NAALADL2: variants seen among roughly 807,000 people sequenced by gnomAD.
The protein encoded by NAALADL2 is inactive N-acetylated-alpha-linked acidic dipeptidase-like protein 2.
In NAALADL2, 76 loss-of-function variants were observed where a neutral mutation model predicts 87.2. That is an observed-to-expected ratio of 0.87 (90% CI 0.72 to 1.05). The LOEUF is 1.05. NAALADL2 is among the 50% of genes least tolerant of loss of function. The pLI, the probability that NAALADL2 is intolerant of heterozygous loss-of-function variation, is 0.00. For synonymous variants in NAALADL2, 354 were observed against 331.0 expected, an observed-to-expected ratio of 1.07 and a Z score of -0.75; for missense variants, 1,089 against 945.8, an observed-to-expected ratio of 1.15 and a Z score of -1.99.
intron 10 of NAALADL2, among the ~76,000 whole-genome samples, chr3:175,585,748 T>C (rs533601293): frequency 2.0e-5 from 3 of 152,204 alleles, no homozygotes; most frequent in East Asian, 1.9e-4. Flanking sequence ...AAAATAAAGA[T>C]ATGATGACGA....
chr3:175,393,871 C>A (rs908942338), intron 5 of NAALADL2, among the ~76,000 whole-genome samples: 5 of 152,144 alleles, frequency 3.3e-5, no homozygotes, highest in African/African-American at 1.2e-4. Context: ...TGTCTTCAAC[C>A]CAACCAGTCC....
intron 10 of NAALADL2, among the ~76,000 whole-genome samples, chr3:175,579,220 TATC>T (rs1379601024): frequency 2.2e-5 from 3 of 135,518 alleles, no homozygotes; most frequent in African/African-American, 7.7e-5. Flanking sequence ...TCTATCTATC[TATC>T]ATCTATCATC....
rs146442324 is a variant in NAALADL2 at position 175,118,749 on chromosome 3, G to A, written c.545+21458G>A. On this transcript the variant is annotated intron_variant, in intron 2 of 13. Transcript: ENST00000454872. ...ATTATAGTTCTGCACAATCTCTGCTGTAACAATATCATGATGAATGGAGAA... is the reference window on the plus strand; with the variant it reads ...ATTATAGTTCTGCACAATCTCTGCTATAACAATATCATGATGAATGGAGAA... Among the ~76,000 whole-genome samples, 181 of 151,854 alleles carry A rather than the reference G, an allele frequency of 1.2e-3. 1 individual carries two copies. The highest frequency in any genetic ancestry group is 4.2e-3 in the African/African-American group (174 of 41,454).
At chr3:174,544,355 G>A (rs1261453910) in intron 1 of NAALADL2, among the ~76,000 whole-genome samples, 1 of 151,942 alleles carries the variant, frequency 6.6e-6, no homozygotes, top group African/African-American at 2.4e-5. Flanking sequence ...TTATAACTAT[G>A]TGAATATTTA....
chr3:175,233,562 G>A (rs914622202), intron 2 of NAALADL2, among the ~76,000 whole-genome samples: 1 of 152,056 alleles, frequency 6.6e-6, no homozygotes, highest in Non-Finnish European at 1.5e-5. Flanking sequence ...CCACCTCAGT[G>A]TCCCAAGTAG....
At position 175,768,161 on chromosome 3, in the gene NAALADL2, A is replaced by G. The variant is rs182089920; in HGVS notation, c.2189+12743A>G. On this transcript the variant is annotated intron_variant, in intron 13 of 13. Coordinates refer to ENST00000454872, the MANE Select transcript of NAALADL2 (RefSeq NM_207015.3). ...GTATAATACGTGTCCATATCAAACA[A>G]TGGTTAGGCTATCAGGATACTGCCT... Among the ~76,000 whole-genome samples, 432 of 152,284 alleles carry G rather than the reference A, an allele frequency of 2.8e-3. 1 individual carries two copies. The highest frequency in any genetic ancestry group is 9.8e-3 in the African/African-American group (406 of 41,562).
intron 11 of NAALADL2, among the ~76,000 whole-genome samples, chr3:175,694,452 T>G (rs1309193079): frequency 6.6e-6 from 1 of 152,182 alleles, no homozygotes; most frequent in Admixed American, 6.5e-5. Context: ...TAGTGAATCC[T>G]TGATGTGAAG....
At chr3:175,360,672 G>C (rs1471399422) in intron 5 of NAALADL2, among the ~76,000 whole-genome samples, 8 of 151,912 alleles carry the variant, frequency 5.3e-5, no homozygotes, top group African/African-American at 1.9e-4. Flanking sequence ...ATTTTCTAAG[G>C]TTTTTTAGTT....
intron 13 of NAALADL2, among the ~76,000 whole-genome samples, chr3:175,797,566 TCTCA>T (rs1753652350): frequency 6.6e-6 from 1 of 152,112 alleles, no homozygotes; most frequent in African/African-American, 2.4e-5. Context: ...CAAAATATAT[TCTCA>T]CTTTCTTTCC....
intron 1 of NAALADL2, among the ~76,000 whole-genome samples, chr3:174,951,088 A>G (rs904643572): frequency 2.6e-5 from 4 of 152,150 alleles, no homozygotes; most frequent in Admixed American, 6.6e-5. Context: ...TTTACATAAA[A>G]AGAGAATAAT....
chr3:174,663,004 T>C (rs1472924419), intron 2 of NAALADL2, among the ~76,000 whole-genome samples: 1 of 152,204 alleles, frequency 6.6e-6, no homozygotes, highest in Non-Finnish European at 1.5e-5. Flanking sequence ...GTATTATTTA[T>C]CTATTTTTTG....
chr3:175,264,368 C>T (rs1466693261), intron 4 of NAALADL2, among the ~76,000 whole-genome samples: 10 of 151,642 alleles, frequency 6.6e-5, no homozygotes, highest in Non-Finnish European at 1.0e-4. Context: ...ATATATGAAG[C>T]CCTTAATATC....
intron 1 of NAALADL2, among the ~76,000 whole-genome samples, chr3:174,894,119 T>C (rs913874359): frequency 7.9e-5 from 12 of 152,216 alleles, no homozygotes; most frequent in African/African-American, 2.9e-4. Context: ...CACTATATCA[T>C]GTTAAAGGGG....
At chr3:174,704,110 C>T in intron 2 of NAALADL2, among the ~76,000 whole-genome samples, 1 of 152,162 alleles carries the variant, frequency 6.6e-6, no homozygotes, top group East Asian at 1.9e-4. Context: ...GTCACTCACT[C>T]ACTAATACAT....
In NAALADL2 at chr3:174,691,574, G is replaced by A. The variant is rs191158887; in HGVS notation, c.-114-46067G>A. Among the ~76,000 whole-genome samples, 37 of 152,226 alleles carry A rather than the reference G, an allele frequency of 2.4e-4. No individual in the cohort carries two copies. The East Asian group carries it at 6.8e-3, about 28-fold the overall frequency. ...AGAGTCATAGTTGCTGAAGGCTGGG[G>A]TGACTGTGGCAATTTCTTAAAATAA... On this transcript the variant is annotated intron_variant, in intron 2 of 3. Transcript: ENST00000434257.
chr3:174,880,024 T>C (rs990734265), intron 1 of NAALADL2, among the ~76,000 whole-genome samples: 10 of 152,094 alleles, frequency 6.6e-5, no homozygotes, highest in Admixed American at 6.6e-4. Context: ...TCTCCTTTGC[T>C]GTTTTACCCT....
chr3:174,732,581 G>C (rs1243377070), intron 2 of NAALADL2, among the ~76,000 whole-genome samples: 2 of 152,032 alleles, frequency 1.3e-5, no homozygotes, highest in Non-Finnish European at 2.9e-5. Context: ...GCTCAGAGGT[G>C]GATCAAAATA....
At chr3:175,631,774 T>C (rs942259291) in intron 11 of NAALADL2, among the ~76,000 whole-genome samples, 22 of 152,026 alleles carry the variant, frequency 1.4e-4, no homozygotes, top group Non-Finnish European at 2.6e-4. Flanking sequence ...AATGAGTGAT[T>C]AAAAATGGCC....
chr3:175,580,550 G>A (rs1288872229), intron 10 of NAALADL2, among the ~76,000 whole-genome samples: 1 of 152,066 alleles, frequency 6.6e-6, no homozygotes, highest in Non-Finnish European at 1.5e-5. Flanking sequence ...AAACAAAATG[G>A]TTACATTTAA....
Sources: allele counts gnomAD v4.1 joint callset (sites outside exome capture counted in the v4.1 genomes callset), GRCh38; gene constraint gnomAD v4.1.1; transcripts MANE v1.5; gene names NCBI Gene and HGNC (gene_info 2026-07-23, HGNC 2026-07-21).